Variants in MAP2 observed in about 807,000 individuals in gnomAD.
MAP2 encodes microtubule-associated protein 2.
A neutral mutation model predicts 137.6 loss-of-function variants in MAP2; 14 were observed. That is an observed-to-expected ratio of 0.10 (90% CI 0.07 to 0.16). The LOEUF is 0.16. MAP2 is among the 10% of genes least tolerant of loss of function. The pLI, the probability that MAP2 is intolerant of heterozygous loss-of-function variation, is 1.00. For missense variants in MAP2, 2,088 were observed against 2,191.5 expected, an observed-to-expected ratio of 0.95 and a Z score of 0.94; for synonymous variants, 786 against 782.3, an observed-to-expected ratio of 1.00 and a Z score of -0.08.
intron 2 of MAP2, among the ~76,000 whole-genome samples, chr2:209,529,395 G>A (rs1559283012): frequency 6.6e-6 from 1 of 152,148 alleles, no homozygotes; most frequent in African/African-American, 2.4e-5. Context: ...ACAACTGTAT[G>A]TGTGATTTGA....
chr2:209,652,428 G>T (rs900744124), intron 4 of MAP2, among the ~76,000 whole-genome samples: 1 of 151,868 alleles, frequency 6.6e-6, no homozygotes, highest in African/African-American at 2.4e-5. Context: ...CTATAGATAG[G>T]GTCCAGGAAA....
rs1429567403 is a variant in MAP2, at chr2:209,696,788, T to C, written c.4387+40T>C. On this transcript the variant is annotated intron_variant, in intron 9 of 15. Transcript: ENST00000682079. The stretch of plus-strand genomic sequence containing the variant: ...CACTTCTTTAAAAATGTTTTTGAAG[T>C]AATTCATTATTACTTTTTTGCAGAA... The C allele has an allele frequency of 8.3e-6, 13 of 1,573,462 alleles. No individual in the cohort carries two copies. In the South Asian group the frequency reaches 1.5e-4, roughly 19 times the overall value.
chr2:209,491,188 A>G (rs2059065361), intron 1 of MAP2, among the ~76,000 whole-genome samples: 1 of 152,148 alleles, frequency 6.6e-6, no homozygotes, highest in Non-Finnish European at 1.5e-5. Context: ...ACCTGCTCCT[A>G]AATGACTACT....
intron 5 of MAP2, among the ~76,000 whole-genome samples, chr2:209,668,078 C>T (rs1339920864): frequency 6.6e-6 from 1 of 152,030 alleles, no homozygotes; most frequent in Non-Finnish European, 1.5e-5. Context: ...TTCTGCTGGG[C>T]TCCTACAATA....
At position 209,551,758 on chromosome 2, in the gene MAP2, G is replaced by A. The variant is rs752521537; in HGVS notation, c.-171-28278G>A. Reference sequence around the variant, plus strand: ...TTCTGGGGAAACCAGAGTATAGTATGGCCAATTAAGAAAGAAAAGGGACTA... The same window carrying A: ...TTCTGGGGAAACCAGAGTATAGTATAGCCAATTAAGAAAGAAAAGGGACTA... On this transcript the variant is annotated intron_variant, in intron 2 of 15. Transcript: ENST00000682079. 1.2e-4 allele frequency among the ~76,000 whole-genome samples: 18 copies of A among 152,150 alleles called. 1 individual carries two copies. The highest frequency in any genetic ancestry group is 2.4e-4 in the Non-Finnish European group (16 of 68,024).
At chr2:209,613,057 T>C (rs1282190584) in intron 3 of MAP2, among the ~76,000 whole-genome samples, 4 of 152,120 alleles carry the variant, frequency 2.6e-5, no homozygotes, top group African/African-American at 9.7e-5. Context: ...TTAGATCAGG[T>C]TCTCTTACCC....
chr2:209,641,708 GAA>G (rs113633103), intron 4 of MAP2, among the ~76,000 whole-genome samples: 1 of 149,372 alleles, frequency 6.7e-6, no homozygotes, highest in Middle Eastern at 3.2e-3. Flanking sequence ...TTAAAAAAAA[GAA>G]AAAAAAATTA....
chr2:209,615,569 A>T (rs1029522478), intron 3 of MAP2, among the ~76,000 whole-genome samples: 2 of 152,218 alleles, frequency 1.3e-5, no homozygotes, highest in African/African-American at 2.4e-5. Flanking sequence ...TTTTCCAAAC[A>T]TATAACTTTA....
chr2:209,525,609 G>C (rs1212521034), intron 2 of MAP2, among the ~76,000 whole-genome samples: 1 of 152,118 alleles, frequency 6.6e-6, no homozygotes, highest in East Asian at 1.9e-4. Flanking sequence ...TCTGGAAAAA[G>C]ATATCATAGT....
intron 1 of MAP2, among the ~76,000 whole-genome samples, chr2:209,460,871 C>T (rs1702616358): frequency 1.3e-5 from 2 of 152,004 alleles, no homozygotes; most frequent in East Asian, 1.9e-4. Flanking sequence ...GCCTCAGCCT[C>T]CCGAGTAGCT....
intron 1 of MAP2, among the ~76,000 whole-genome samples, chr2:209,503,946 A>C (rs2060708728): frequency 1.3e-5 from 2 of 152,268 alleles, no homozygotes; most frequent in East Asian, 3.9e-4. Flanking sequence ...AAATGCAAAA[A>C]TTAGTTGGGT....
intron 6 of MAP2, among the ~76,000 whole-genome samples, chr2:209,680,281 A>G (rs951632810): frequency 1.3e-5 from 2 of 152,176 alleles, no homozygotes; most frequent in Admixed American, 6.6e-5. Flanking sequence ...ATTCCCTAAA[A>G]TAACTATTAG....
intron 1 of MAP2, among the ~76,000 whole-genome samples, chr2:209,442,907 C>T (rs1698168804): frequency 6.6e-6 from 1 of 151,618 alleles, no homozygotes; most frequent in African/African-American, 2.4e-5. Context: ...TCTACTGTCA[C>T]TGAATTTGTT....
chr2:209,603,032 A>T (rs2083448040), intron 3 of MAP2, among the ~76,000 whole-genome samples: 1 of 152,118 alleles, frequency 6.6e-6, no homozygotes, highest in African/African-American at 2.4e-5. Context: ...AATTAACCAC[A>T]AATATCAAAA....
chr2:209,710,056 C>T lies in MAP2; in HGVS notation c.4875C>T (p.Thr1625=). ...GTPGTPSYPR[T]PHTPGTPKSA... The stretch of plus-strand genomic sequence containing the variant: ...CTGGAACCCCTAGCTATCCCAGGAC[C>T]CCTCACACACCAGGAACCCCCAAGT... Residue 1625 remains threonine (T), a synonymous_variant, in exon 13 of 16, where the codon ACC becomes ACT. Coordinates refer to ENST00000682079, the MANE Select transcript of MAP2 (RefSeq NM_001375505.1). The T allele has an allele frequency of 6.2e-7, 1 of 1,613,978 alleles. No homozygotes were observed. Among genetic ancestry groups the T allele is most frequent in the East Asian group, 2.2e-5 (1 of 44,842 alleles).
chr2:209,679,077 T>C (rs2053307798), intron 6 of MAP2, among the ~76,000 whole-genome samples: 2 of 152,120 alleles, frequency 1.3e-5, no homozygotes. Flanking sequence ...TGAATGATTA[T>C]ACTGTAGCCT....
intron 7 of MAP2, among the ~76,000 whole-genome samples, chr2:209,686,558 T>G (rs973165942): frequency 6.6e-6 from 1 of 152,164 alleles, no homozygotes; most frequent in Admixed American, 6.6e-5. Flanking sequence ...TCAATATAAG[T>G]AAATAAATAG....
chr2:209,691,516 G>A (rs958421168), intron 7 of MAP2, among the ~76,000 whole-genome samples: 7 of 151,980 alleles, frequency 4.6e-5, no homozygotes, highest in African/African-American at 1.7e-4. Flanking sequence ...AGGTAATGAT[G>A]ATCCATACAC....
At chr2:209,536,687 T>C (rs1051115132) in intron 2 of MAP2, among the ~76,000 whole-genome samples, 3 of 152,188 alleles carry the variant, frequency 2.0e-5, no homozygotes, top group Non-Finnish European at 4.4e-5. Flanking sequence ...TTTTAACTAA[T>C]AGAATATGAA....
Sources: gnomAD v4.1 joint callset for allele counts (sites outside exome capture counted in the v4.1 genomes callset) on GRCh38, gnomAD v4.1.1 for gene constraint, MANE v1.5 for transcripts, NCBI Gene and HGNC (gene_info 2026-07-23, HGNC 2026-07-21) for gene names.